The following ENOX1 variants were observed in gnomAD, a reference collection of about 807,000 sequenced individuals.
The protein encoded by ENOX1 is ecto-NOX disulfide-thiol exchanger 1, also known as candidate growth-related and time keeping constitutive hydroquinone (NADH) oxidase.
Under a neutral mutation model 82.5 loss-of-function variants are expected in ENOX1, and 42 were observed. The observed-to-expected ratio is 0.51, with a 90% confidence interval of 0.40 to 0.66. ENOX1 has a LOEUF of 0.66. Ranked by LOEUF, ENOX1 falls within the 30% of genes least tolerant of loss-of-function variation. The pLI is 0.00. For synonymous variants in ENOX1, 271 were observed against 282.2 expected (o/e 0.96, Z 0.40); for missense variants, 608 against 811.6 (o/e 0.75, Z 3.05).
intron 2 of ENOX1, among the ~76,000 whole-genome samples, chr13:43,665,681 C>T (rs912075801): frequency 2.0e-5 from 3 of 151,698 alleles, no homozygotes; most frequent in African/African-American, 7.3e-5. Context: ...CCGGCTCACA[C>T]AAAGGGCTAT....
intron 1 of ENOX1, among the ~76,000 whole-genome samples, chr13:43,731,867 T>A (rs1300925098): frequency 6.6e-6 from 1 of 152,212 alleles, no homozygotes; most frequent in African/African-American, 2.4e-5. Context: ...TTTCTGCCAT[T>A]GAGGTCCTTA....
intron 3 of ENOX1, among the ~76,000 whole-genome samples, chr13:43,433,400 C>T (rs1015801561): frequency 2.0e-5 from 3 of 152,140 alleles, no homozygotes; most frequent in Admixed American, 6.5e-5. Context: ...TCCTATTAGA[C>T]CCACCTCCCA....
At chr13:43,254,944 T>G (rs1420620398) in intron 14 of ENOX1, among the ~76,000 whole-genome samples, 3 of 152,114 alleles carry the variant, frequency 2.0e-5, no homozygotes, top group Non-Finnish European at 2.9e-5. Context: ...ACTGCTGAAT[T>G]CTACCACATA....
intron 14 of ENOX1, among the ~76,000 whole-genome samples, chr13:43,241,893 C>T (rs2042853960): frequency 6.6e-6 from 1 of 152,066 alleles, no homozygotes; most frequent in Non-Finnish European, 1.5e-5. Flanking sequence ...TAGAATCATG[C>T]TTTGTTATTT....
chr13:43,269,724 C>T (rs185904300), intron 12 of ENOX1, 147 bp from the exon 13 acceptor site: 62 of 647,570 alleles, frequency 9.6e-5, no homozygotes, highest in African/African-American at 9.4e-4. Flanking sequence ...GTGTGTTTTC[C>T]GCACTAAGTA....
chr13:43,757,503 T>C (rs1452881238), intron 1 of ENOX1, among the ~76,000 whole-genome samples: 1 of 152,114 alleles, frequency 6.6e-6, no homozygotes, highest in East Asian at 1.9e-4. Context: ...CCACCAGACA[T>C]GTGAGTGAGG....
At chr13:43,653,385 G>C (rs1231627633) in intron 2 of ENOX1, among the ~76,000 whole-genome samples, 1 of 152,164 alleles carries the variant, frequency 6.6e-6, no homozygotes, top group African/African-American at 2.4e-5. Context: ...GGTTGAGAGT[G>C]TACTACATAT....
rs2053230282 is a variant in ENOX1 at position 43,397,535 on chromosome 13, G to C, written c.208+14381C>G. ...CAATGGTCCCATCCAGTGAAGTGAG[G>C]AATATTTCTTTAAAGATGCCCTTGT... On this transcript the variant is annotated intron_variant, in intron 5 of 16. Coordinates refer to ENST00000690772, the MANE Select transcript of ENOX1 (RefSeq NM_001347969.2). Among the ~76,000 whole-genome samples, 5 of 152,304 alleles carry C rather than the reference G, an allele frequency of 3.3e-5. No individual in the cohort carries two copies. The South Asian group carries it at 8.3e-4, about 25-fold the overall frequency.
At chr13:43,715,417 G>A (rs1273070820) in intron 1 of ENOX1, among the ~76,000 whole-genome samples, 1 of 151,856 alleles carries the variant, frequency 6.6e-6, no homozygotes, top group Admixed American at 6.6e-5. Context: ...GAGTGTCTTG[G>A]AGTATCTTTG....
chr13:43,741,087 T>C (rs1324390791), intron 1 of ENOX1, among the ~76,000 whole-genome samples: 1 of 128,082 alleles, frequency 7.8e-6, no homozygotes, highest in East Asian at 1.9e-4. Flanking sequence ...CTGAAACTTT[T>C]TTTTTTTTTT....
At chr13:43,297,829 T>C (rs1159233675) in intron 12 of ENOX1, among the ~76,000 whole-genome samples, 1 of 152,164 alleles carries the variant, frequency 6.6e-6, no homozygotes, top group African/African-American at 2.4e-5. Flanking sequence ...AAAACTCTGA[T>C]GCTTCATGTA....
chr13:43,748,223 G>A (rs937960249), intron 1 of ENOX1, among the ~76,000 whole-genome samples: 9 of 152,066 alleles, frequency 5.9e-5, no homozygotes, highest in Non-Finnish European at 1.0e-4. Context: ...ATTTTACTCT[G>A]AGAAACAGTC....
Position 43,590,497 on chromosome 13 carries a change from G to A in ENOX1, c.-219+76982C>T, listed in dbSNP as rs530450060. On this transcript the variant is annotated intron_variant, in intron 2 of 16. Coordinates refer to ENST00000690772, the MANE Select transcript of ENOX1 (RefSeq NM_001347969.2). ...CATAGAATACATTGAAAAATGGGCCGGGTGTGGTGGCTCACGCCTGTAACC... is the reference window on the plus strand; with the variant it reads ...CATAGAATACATTGAAAAATGGGCCAGGTGTGGTGGCTCACGCCTGTAACC... Among the ~76,000 whole-genome samples, 182 of 152,192 alleles carry A rather than the reference G, an allele frequency of 1.2e-3. 1 individual carries two copies. The highest frequency in any genetic ancestry group is 2.7e-3 in the Admixed American group (41 of 15,290).
intron 1 of ENOX1, among the ~76,000 whole-genome samples, chr13:43,685,786 T>C (rs1169378342): frequency 1.3e-5 from 2 of 151,906 alleles, no homozygotes; most frequent in African/African-American, 4.8e-5. Flanking sequence ...CACATTTGCC[T>C]GCTGGGAGGC....
chr13:43,389,194 T>C (rs2052613823), intron 5 of ENOX1, among the ~76,000 whole-genome samples: 1 of 152,190 alleles, frequency 6.6e-6, no homozygotes, highest in African/African-American at 2.4e-5. Context: ...TAAACGACCA[T>C]GTCATCTGTT....
chr13:43,410,538 T>C (rs954207432), intron 5 of ENOX1, among the ~76,000 whole-genome samples: 1 of 151,868 alleles, frequency 6.6e-6, no homozygotes, highest in Non-Finnish European at 1.5e-5. Context: ...TGGTCTCTTA[T>C]CCATTTTCAT....
At chr13:43,741,083 CTTT>C (rs35602155) in intron 1 of ENOX1, among the ~76,000 whole-genome samples, 11,074 of 127,116 alleles carry the variant, frequency 0.087, 611 homozygotes, top group African/African-American at 0.17. Context: ...ATGGCTGAAA[CTTT>C]TTTTTTTTTT....
chr13:43,493,228 TAG>T (rs142975125), intron 2 of ENOX1, among the ~76,000 whole-genome samples: 1,994 of 152,072 alleles, frequency 0.013, 44 homozygotes, highest in African/African-American at 0.046. Flanking sequence ...ATAGGACCTA[TAG>T]AGAGAGAGAT....
intron 1 of ENOX1, among the ~76,000 whole-genome samples, chr13:43,765,639 C>T (rs1951218434): frequency 6.6e-6 from 1 of 152,134 alleles, no homozygotes; most frequent in Non-Finnish European, 1.5e-5. Flanking sequence ...ATATTCAGAG[C>T]TGCAGTAACA....
Sources: gnomAD v4.1 joint callset for allele counts (sites outside exome capture counted in the v4.1 genomes callset) on GRCh38, gnomAD v4.1.1 for gene constraint, MANE v1.5 for transcripts, NCBI Gene and HGNC (gene_info 2026-07-23, HGNC 2026-07-21) for gene names.